TTC19: variants seen among roughly 807,000 people sequenced by gnomAD.
The protein encoded by TTC19 is tetratricopeptide repeat protein 19, mitochondrial.
Under a neutral mutation model 49.5 loss-of-function variants are expected in TTC19, and 38 were observed. The observed-to-expected ratio is 0.77, with a 90% CI of 0.59 to 1.01. The LOEUF is 1.01. Among genes scored for constraint, TTC19 ranks in the 50% least tolerant of loss-of-function variants. The pLI is 0.00. For missense variants in TTC19, 475 were observed against 477.7 expected, an observed-to-expected ratio of 0.99 and a Z score of 0.05; for synonymous variants, 204 against 185.2, an observed-to-expected ratio of 1.10 and a Z score of -0.83.
chr17:16,026,812 T>A, intron 9 of TTC19, 110 bp downstream of exon 9: 1 of 1,144,142 alleles, frequency 8.7e-7, no homozygotes, highest in Non-Finnish European at 1.3e-6. Context: ...AATAAACATG[T>A]AAATTAAAAG....
Position 15,999,940 on chromosome 17 carries a change from G to T in TTC19, c.92G>T (p.Gly31Val). The T allele has an allele frequency of 2.3e-6, 3 of 1,332,830 alleles. No homozygotes were observed. Among genetic ancestry groups the T allele is most frequent in the Non-Finnish European group, 2.9e-6 (3 of 1,048,956 alleles). 82.6% of individuals were successfully genotyped at this position (1,332,830 alleles called of 1,614,324 possible). Residue 31 changes from glycine (G) to valine (V), a missense_variant, in exon 1 of 10, where the codon GGG becomes GTG. Physicochemically the swap from Gly to Val is moderately radical, Grantham distance 109. Transcript: ENST00000261647. ...GGCTGCTCCGCGCGCCTGCTCCCGGGGCTGGCAGGAGGTCCGGGGCCCGAG... is the reference window on the plus strand; with the variant it reads ...GGCTGCTCCGCGCGCCTGCTCCCGGTGCTGGCAGGAGGTCCGGGGCCCGAG... ...CRGCSARLLP[G>V]LAGGPGPEVQ...
rs559963987 is a variant in TTC19, at chr17:16,035,331, TG to T, written c.247+8632del. On this transcript the variant is annotated intron_variant, in intron 2 of 2. Coordinates refer to the TTC19 transcript ENST00000470649. ...ATCCCTCAAACCCTTCTTTATTAAC[TG>T]GGTTTATGTAATGTAGTATTCTAAA... is the stretch of plus-strand genomic sequence containing the variant. Among the ~76,000 whole-genome samples, 427 of 152,310 alleles carry T rather than the reference TG, an allele frequency of 2.8e-3. 3 individuals carry two copies. Among genetic ancestry groups the T allele is most frequent in the African/African-American group, 9.5e-3 (394 of 41,570 alleles).
At chr17:16,044,107 T>C (rs760228980) in intron 2 of TTC19, among the ~76,000 whole-genome samples, 3 of 140,064 alleles carry the variant, frequency 2.1e-5, no homozygotes, top group Non-Finnish European at 4.5e-5. Flanking sequence ...AGGCGGAGGT[T>C]GCGGTGAGCC....
chr17:16,026,875 G>A, intron 9 of TTC19, 173 bp downstream of exon 9: 3 of 739,310 alleles, frequency 4.1e-6, no homozygotes, highest in Non-Finnish European at 7.0e-6. Context: ...GTACTATTGT[G>A]TTCAATTCAC....
intron 6 of TTC19, 64 bp from the exon 7 acceptor site, chr17:16,006,410 C>T: frequency 1.6e-6 from 2 of 1,226,846 alleles, no homozygotes; most frequent in Admixed American, 1.7e-5. Flanking sequence ...AACTCCATCT[C>T]AACAGAAGGA....
intron 2 of TTC19, among the ~76,000 whole-genome samples, chr17:16,038,832 G>A (rs983045007): frequency 2.0e-4 from 30 of 152,216 alleles, no homozygotes; most frequent in African/African-American, 7.0e-4. Context: ...GTGCAGTGGT[G>A]TGATCTCAGC....
intron 7 of TTC19, among the ~76,000 whole-genome samples, chr17:16,022,210 G>A (rs1046558498): frequency 1.3e-5 from 2 of 152,114 alleles, no homozygotes; most frequent in African/African-American, 2.4e-5. Context: ...AACAAAAACC[G>A]GGCTTCTGCT....
intron 7 of TTC19, among the ~76,000 whole-genome samples, chr17:16,016,011 C>G (rs934123471): frequency 6.6e-6 from 1 of 152,032 alleles, no homozygotes; most frequent in African/African-American, 2.4e-5. Flanking sequence ...TATTGTCTTT[C>G]TATTTTCCAT....
intron 2 of TTC19, among the ~76,000 whole-genome samples, chr17:16,042,395 A>G (rs942947385): frequency 6.6e-6 from 1 of 152,242 alleles, no homozygotes; most frequent in Non-Finnish European, 1.5e-5. Context: ...ACAATTTCCT[A>G]TAAGTTAACC....
intron 2 of TTC19, among the ~76,000 whole-genome samples, chr17:16,043,771 A>T (rs1337751200): frequency 1.3e-5 from 2 of 152,252 alleles, no homozygotes; most frequent in African/African-American, 4.8e-5. Context: ...GAGTGCCAAG[A>T]GAAATTGAAA....
chr17:16,040,487 A>C, intron 2 of TTC19: 1 of 1,613,486 alleles, frequency 6.2e-7, no homozygotes, highest in Middle Eastern at 1.7e-4. Context: ...TTCCTGGCTG[A>C]GCAGCTGCTA....
chr17:16,006,441 G>C (rs1390996177), intron 6 of TTC19, 33 bp from the exon 7 acceptor site: 3 of 1,447,490 alleles, frequency 2.1e-6, no homozygotes, highest in Non-Finnish European at 2.9e-6. Flanking sequence ...AAGAAGAAAA[G>C]GTAAATGGCT....
In TTC19 at chr17:15,999,916, G is replaced by T; in HGVS notation, c.68G>T (p.Gly23Val). The T allele has an allele frequency of 1.5e-6, 2 of 1,356,916 alleles. No individual in the cohort carries two copies. Among genetic ancestry groups the T allele is most frequent in the Non-Finnish European group, 1.9e-6 (2 of 1,063,486 alleles). 84.1% of individuals were successfully genotyped at this position (1,356,916 alleles called of 1,614,324 possible). Residue 23 changes from glycine to valine, a missense_variant, in exon 1 of 10, where the codon GGC (glycine) becomes GTC (valine). By Grantham distance (109) the Gly-to-Val change is moderately radical (BLOSUM62 -3). Coordinates refer to ENST00000261647, the MANE Select transcript of TTC19 (RefSeq NM_017775.4). The stretch of plus-strand genomic sequence containing the variant: ...CGGGCCGCGGGGCGGCGGTGCCGGG[G>T]CTGCTCCGCGCGCCTGCTCCCGGGG... The part of the protein sequence containing the change: ...FLRAAGRRCR[G>V]CSARLLPGLA...
rs755975834 is a variant in TTC19 at position 16,027,461 on chromosome 17, G to C, written c.1082G>C (p.Arg361Thr). ...GATGAAATTTCTGTACAACACATCA[G>C]GGAAGAGTTGGCTGAGCTGTCAAAG... ...KKDEISVQHI[R>T]EELAELSKKS... Residue 361 changes from arginine to threonine, a missense_variant, in exon 10 of 10, where the codon AGG becomes ACG. Arg to Thr is a moderately conservative substitution (Grantham distance 71). Coordinates refer to ENST00000261647, the MANE Select transcript of TTC19 (RefSeq NM_017775.4). The C allele has an allele frequency of 6.2e-7, 1 of 1,614,102 alleles. No homozygotes were observed. Among genetic ancestry groups the C allele is most frequent in the Non-Finnish European group, 8.5e-7 (1 of 1,179,980 alleles).
rs1346993025 is a variant in TTC19, at chr17:16,040,214, TTA to T, written c.248-4288_248-4287del. ...AGTTCCCTAGTTTTGACAGTGTTCT[TTA>T]ATAGTTTCATTCTTTTTGTTCATTT... On this transcript the variant is annotated intron_variant, in intron 2 of 2. Coordinates refer to the TTC19 transcript ENST00000470649. 9.4e-6 allele frequency: 6 copies of T among 638,352 alleles called. No homozygotes were observed. The African/African-American group carries it at 1.1e-4, about 11-fold the overall frequency. 39.5% of individuals were successfully genotyped at this position (638,352 alleles called of 1,614,324 possible). A position where few individuals can be genotyped will look rare whatever the true frequency, so the allele number is the denominator to read the frequency against.
intron 2 of TTC19, among the ~76,000 whole-genome samples, chr17:16,041,614 C>T (rs1223699474): frequency 6.6e-6 from 1 of 151,784 alleles, no homozygotes; most frequent in Non-Finnish European, 1.5e-5. Context: ...GGAGTTTCAC[C>T]ATTTTGGCCA....
downstream of TTC19, among the ~76,000 whole-genome samples, chr17:16,034,097 TC>T (rs1567613785): frequency 1.3e-5 from 2 of 152,222 alleles, no homozygotes; most frequent in African/African-American, 4.8e-5. Context: ...GGTGAAGTAC[TC>T]TTAGAAGTGG....
chr17:16,027,513 C>CA lies in TTC19; in HGVS notation c.1136dup (p.Leu380AlafsTer13). The CA allele has an allele frequency of 1.2e-6, 2 of 1,613,924 alleles. No homozygotes were observed. Among genetic ancestry groups the CA allele is most frequent in the Non-Finnish European group, 1.7e-6 (2 of 1,179,910 alleles). ...AAAGTAGACCTTTGACAAATTCTGT[C>CA]AAGCTCTAAATCCATTTTTGTGTAG... On this transcript the variant is annotated frameshift_variant, in exon 10 of 10. Coordinates refer to ENST00000261647, the MANE Select transcript of TTC19 (RefSeq NM_017775.4). LOFTEE classifies it high-confidence loss of function.
chr17:16,011,385 G>C (rs1276544564), intron 7 of TTC19, among the ~76,000 whole-genome samples: 2 of 152,112 alleles, frequency 1.3e-5, no homozygotes, highest in African/African-American at 4.8e-5. Flanking sequence ...TCACCATGTT[G>C]GCCGGCCTGG....
Sources: allele counts gnomAD v4.1 joint callset (sites outside exome capture counted in the v4.1 genomes callset), GRCh38; gene constraint gnomAD v4.1.1; transcripts MANE v1.5; gene names NCBI Gene and HGNC (gene_info 2026-07-23, HGNC 2026-07-21).